SYT16: variants seen among roughly 807,000 people sequenced by gnomAD.
SYT16 encodes synaptotagmin-16.
Under a neutral mutation model 61.4 loss-of-function variants are expected in SYT16, and 42 were observed. The ratio of observed to expected loss-of-function variants is 0.68; its 90% CI spans 0.53 to 0.89. The LOEUF (loss-of-function observed/expected upper bound fraction) is 0.89, where lower values mean the gene tolerates loss of function less well. SYT16 is among the 40% of genes least tolerant of loss of function. SYT16 has a pLI of 0.00. For missense variants in SYT16, 804 were observed against 807.3 expected (o/e 1.00, Z 0.05); for synonymous variants, 314 against 302.3 (o/e 1.04, Z -0.40).
At chr14:61,986,070 G>A (rs1411053410) in intron 2 of SYT16, among the ~76,000 whole-genome samples, 2 of 152,108 alleles carry the variant, frequency 1.3e-5, no homozygotes, top group Non-Finnish European at 2.9e-5. Flanking sequence ...TATTTTTTGA[G>A]TTCATAAATA....
intron 7 of SYT16, among the ~76,000 whole-genome samples, chr14:62,092,895 AAC>A (rs1404502367): frequency 1.3e-5 from 2 of 152,146 alleles, no homozygotes; most frequent in Non-Finnish European, 2.9e-5. Flanking sequence ...TGTATATTTT[AAC>A]ACAATTTTTT....
At chr14:61,899,370 G>A (rs931245056) in intron 1 of SYT16, among the ~76,000 whole-genome samples, 1 of 152,146 alleles carries the variant, frequency 6.6e-6, no homozygotes, top group Non-Finnish European at 1.5e-5. Context: ...CTTTTCCTTT[G>A]ACAATAAAAC....
Position 61,854,133 on chromosome 14 carries a change from C to A in SYT16, c.-325+41323C>A, listed in dbSNP as rs542728968. On this transcript the variant is annotated intron_variant, in intron 1 of 7. Transcript: ENST00000683842. The stretch of plus-strand genomic sequence containing the variant: ...GTGTACATACACATATGCACATACA[C>A]ACATGTATACATGTATATATACTTT... Among the ~76,000 whole-genome samples the A allele has an allele frequency of 8.0e-4, 122 of 152,210 alleles. 4 individuals are homozygous for A. The South Asian group carries it at 0.024, about 31-fold the overall frequency.
At chr14:62,061,248 G>T (rs548981864) in intron 3 of SYT16, among the ~76,000 whole-genome samples, 1 of 151,996 alleles carries the variant, frequency 6.6e-6, no homozygotes, top group Non-Finnish European at 1.5e-5. Flanking sequence ...ATGAAAATAG[G>T]TATAGCCAAA....
At chr14:62,016,012 G>A (rs1889807) in intron 3 of SYT16, among the ~76,000 whole-genome samples, 68,016 of 152,028 alleles carry the variant, frequency 0.45, 15,719 homozygotes, top group East Asian at 0.71. Context: ...TTGCACAGGT[G>A]TGGCTAACAT....
intron 2 of SYT16, among the ~76,000 whole-genome samples, chr14:61,988,373 T>G (rs2052408538): frequency 6.6e-6 from 1 of 152,348 alleles, no homozygotes; most frequent in African/African-American, 2.4e-5. Context: ...ATAGTCCCCC[T>G]GGAGATGCTG....
intron 7 of SYT16, among the ~76,000 whole-genome samples, chr14:62,086,477 C>T (rs2056889256): frequency 6.6e-6 from 1 of 151,860 alleles, no homozygotes; most frequent in African/African-American, 2.4e-5. Context: ...GAGACTGTGT[C>T]TCAAAAAAAC....
chr14:62,067,304 CAG>C (rs2056101785), intron 3 of SYT16, among the ~76,000 whole-genome samples: 1 of 152,044 alleles, frequency 6.6e-6, no homozygotes, highest in South Asian at 2.1e-4. Flanking sequence ...TAGGGGAGAA[CAG>C]AGAACTAAAG....
At chr14:61,849,880 C>G (rs1442478783) in intron 1 of SYT16, among the ~76,000 whole-genome samples, 1 of 152,160 alleles carries the variant, frequency 6.6e-6, no homozygotes, top group Non-Finnish European at 1.5e-5. Flanking sequence ...GTGGAGGCTT[C>G]TATTGGCCAT....
intron 1 of SYT16, among the ~76,000 whole-genome samples, chr14:61,900,892 G>A (rs2048490487): frequency 6.6e-6 from 1 of 152,204 alleles, no homozygotes; most frequent in African/African-American, 2.4e-5. Context: ...CAAGGAAATA[G>A]GTGTGTGGGG....
chr14:62,066,479 A>G (rs1420983482), intron 3 of SYT16, among the ~76,000 whole-genome samples: 2 of 152,234 alleles, frequency 1.3e-5, no homozygotes, highest in Non-Finnish European at 2.9e-5. Flanking sequence ...GTGTGTTATT[A>G]TTGCTAGTCT....
At position 62,110,663 on chromosome 14, in the gene SYT16, C is replaced by G. The variant is rs1400543459; in HGVS notation, c.*9956C>G. 55 of 151,994 alleles carry G rather than the reference C, an allele frequency of 3.6e-4. No homozygotes were observed. Among genetic ancestry groups the G allele is most frequent in the Non-Finnish European group, 1.5e-5 (1 of 67,924 alleles). 9.4% of individuals were successfully genotyped at this position (151,994 alleles called of 1,614,324 possible). ...GGAGCTAGAAATAAAATATTAGGTT[C>G]TAATTTTTTTTTGTTCAAACACTGA... On this transcript the variant is annotated 3_prime_UTR_variant, in exon 8 of 8. Transcript: ENST00000683842.
intron 1 of SYT16, among the ~76,000 whole-genome samples, chr14:61,952,030 C>T (rs1420318988): frequency 6.6e-6 from 1 of 152,128 alleles, no homozygotes; most frequent in Non-Finnish European, 1.5e-5. Flanking sequence ...CTCAAGCGTC[C>T]TTCTGCCTCA....
At chr14:62,057,586 T>C (rs1049160716) in intron 3 of SYT16, among the ~76,000 whole-genome samples, 2 of 152,158 alleles carry the variant, frequency 1.3e-5, no homozygotes, top group African/African-American at 4.8e-5. Context: ...TTGGGCTTCT[T>C]TCCTAGGTTT....
At chr14:61,832,062 A>G (rs2045955014) in intron 1 of SYT16, 2 of 715,950 alleles carry the variant, frequency 2.8e-6, no homozygotes, top group African/African-American at 1.7e-5. Context: ...AGCGCCCACA[A>G]CCGTCTTCCA....
intron 2 of SYT16, among the ~76,000 whole-genome samples, chr14:61,990,160 C>T (rs1296667575): frequency 1.3e-5 from 2 of 152,098 alleles, no homozygotes; most frequent in African/African-American, 4.8e-5. Context: ...TTTTATAGTT[C>T]TTATTTTGAC....
chr14:61,842,692 G>T (rs533599611), intron 1 of SYT16, among the ~76,000 whole-genome samples: 2 of 151,248 alleles, frequency 1.3e-5, no homozygotes, highest in South Asian at 4.2e-4. Flanking sequence ...ACCAAACACC[G>T]CCTGTTCTCA....
At chr14:61,878,910 G>C (rs1296827342) in intron 1 of SYT16, among the ~76,000 whole-genome samples, 1 of 152,116 alleles carries the variant, frequency 6.6e-6, no homozygotes, top group Non-Finnish European at 1.5e-5. Flanking sequence ...GCTATTAGGG[G>C]ATTTATCTAG....
At chr14:61,961,522 A>G (rs762567553) in intron 1 of SYT16, among the ~76,000 whole-genome samples, 4 of 152,200 alleles carry the variant, frequency 2.6e-5, no homozygotes, top group African/African-American at 4.8e-5. Context: ...AAAATGCTCA[A>G]TGTCACTAAT....
Sources: gnomAD v4.1 joint callset for allele counts (sites outside exome capture counted in the v4.1 genomes callset) on GRCh38, gnomAD v4.1.1 for gene constraint, MANE v1.5 for transcripts, NCBI Gene and HGNC (gene_info 2026-07-23, HGNC 2026-07-21) for gene names.